Variants in LRMDA observed in about 807,000 individuals in gnomAD.
The protein encoded by LRMDA is leucine-rich melanocyte differentiation-associated protein.
LRMDA carries 18 observed loss-of-function variants against 29.8 expected under a neutral mutation model. The observed-to-expected ratio is 0.60, with a 90% CI of 0.42 to 0.90. LRMDA has a LOEUF of 0.90. Ranked by LOEUF, LRMDA falls within the 40% of genes least tolerant of loss-of-function variation. The probability of loss-of-function intolerance (pLI) is 0.00; values close to 1 mark genes in which losing one functional copy is unlikely to be tolerated. For synonymous variants in LRMDA, 125 were observed against 109.4 expected (o/e 1.14, Z -0.89); for missense variants, 273 against 273.9 (o/e 1.00, Z 0.02).
At chr10:75,629,775 A>G (rs1841300409) in intron 2 of LRMDA, among the ~76,000 whole-genome samples, 1 of 152,224 alleles carries the variant, frequency 6.6e-6, no homozygotes, top group Non-Finnish European at 1.5e-5. Flanking sequence ...ATTCCATCTC[A>G]GAAAACTGTT....
At chr10:76,516,366 T>G (rs982942142) in intron 6 of LRMDA, among the ~76,000 whole-genome samples, 1 of 152,094 alleles carries the variant, frequency 6.6e-6, no homozygotes, top group African/African-American at 2.4e-5. Context: ...TATTATACTT[T>G]AAGTTTTAGG....
At chr10:75,544,185 A>G (rs1171165082) in intron 2 of LRMDA, among the ~76,000 whole-genome samples, 2 of 152,196 alleles carry the variant, frequency 1.3e-5, no homozygotes, top group Non-Finnish European at 2.9e-5. Flanking sequence ...ACGAGAAAAG[A>G]TACAGATTAG....
chr10:76,483,403 C>T (rs569743967), intron 6 of LRMDA, among the ~76,000 whole-genome samples: 1 of 151,888 alleles, frequency 6.6e-6, no homozygotes, highest in Admixed American at 6.6e-5. Flanking sequence ...GGCAGGGCCC[C>T]ATAGGGGATT....
At chr10:76,202,922 A>G (rs1400241886) in intron 5 of LRMDA, among the ~76,000 whole-genome samples, 1 of 152,176 alleles carries the variant, frequency 6.6e-6, no homozygotes, top group Non-Finnish European at 1.5e-5. Context: ...GCTTAGCAAC[A>G]CTAAATGGCA....
intron 2 of LRMDA, among the ~76,000 whole-genome samples, chr10:75,481,360 G>A (rs1844854366): frequency 6.6e-6 from 1 of 152,130 alleles, no homozygotes; most frequent in Admixed American, 6.5e-5. Context: ...TAAAGAGGAG[G>A]AAGTGTTCAT....
At chr10:76,550,337 A>G (rs1189342469) in intron 6 of LRMDA, among the ~76,000 whole-genome samples, 1 of 152,214 alleles carries the variant, frequency 6.6e-6, no homozygotes, top group African/African-American at 2.4e-5. Flanking sequence ...ATGTCTACCA[A>G]TGCAAGACAT....
rs536047174 is a variant in LRMDA at position 75,556,079 on chromosome 10, T to C, written c.131+117585T>C. Among the ~76,000 whole-genome samples the C allele has an allele frequency of 3.3e-5, 5 of 152,206 alleles. No individual in the cohort carries two copies. The East Asian group carries it at 9.7e-4, about 29-fold the overall frequency. On this transcript the variant is annotated intron_variant, in intron 2 of 6. Transcript: ENST00000611255. ...TCAGAAGCTCTAATACATGTTGTCATAGGATGGGGTGGGGGTGAATGAAAA... is the reference window on the plus strand; with the variant it reads ...TCAGAAGCTCTAATACATGTTGTCACAGGATGGGGTGGGGGTGAATGAAAA...
At chr10:75,668,442 ATG>A (rs1841850850) in intron 2 of LRMDA, among the ~76,000 whole-genome samples, 1 of 152,098 alleles carries the variant, frequency 6.6e-6, no homozygotes, top group South Asian at 2.1e-4. Flanking sequence ...ACAAGTGCCC[ATG>A]TCTGCCATTT....
intron 6 of LRMDA, among the ~76,000 whole-genome samples, chr10:76,361,147 G>A (rs1407449739): frequency 6.6e-6 from 1 of 152,080 alleles, no homozygotes; most frequent in East Asian, 1.9e-4. Context: ...TGTAGTCCCA[G>A]CTACTCAGGA....
chr10:76,116,478 C>T (rs1042007828), intron 5 of LRMDA, among the ~76,000 whole-genome samples: 4 of 152,108 alleles, frequency 2.6e-5, no homozygotes, highest in African/African-American at 7.2e-5. Context: ...TTCCTATTTC[C>T]GGTTTCATAT....
At chr10:76,251,223 C>A (rs1310449734) in intron 5 of LRMDA, among the ~76,000 whole-genome samples, 1 of 119,096 alleles carries the variant, frequency 8.4e-6, no homozygotes, top group Non-Finnish European at 1.7e-5. Flanking sequence ...TCTCCCGTCG[C>A]TTCTTTTTTT....
At chr10:75,862,563 G>A (rs912951265) in intron 2 of LRMDA, among the ~76,000 whole-genome samples, 12 of 152,166 alleles carry the variant, frequency 7.9e-5, no homozygotes, top group African/African-American at 2.4e-4. Context: ...GTCATTAGGC[G>A]ATATGTTGGT....
chr10:75,461,014 T>C (rs1370906955), intron 2 of LRMDA, among the ~76,000 whole-genome samples: 1 of 152,182 alleles, frequency 6.6e-6, no homozygotes, highest in Admixed American at 6.5e-5. Flanking sequence ...CATGAAGCCC[T>C]CGTAAGGGAA....
chr10:75,506,255 A>G (rs1439542682), intron 2 of LRMDA, among the ~76,000 whole-genome samples: 2 of 152,126 alleles, frequency 1.3e-5, no homozygotes, highest in African/African-American at 2.4e-5. Flanking sequence ...GTGATGGGGA[A>G]TAGGAGGGCA....
At chr10:76,435,334 A>C (rs1032587849) in intron 6 of LRMDA, among the ~76,000 whole-genome samples, 2 of 152,038 alleles carry the variant, frequency 1.3e-5, no homozygotes, top group African/African-American at 2.4e-5. Context: ...CAATGTTCTC[A>C]CCCCAAGTTT....
intron 5 of LRMDA, among the ~76,000 whole-genome samples, chr10:76,295,746 G>A (rs1212401292): frequency 6.6e-6 from 1 of 151,996 alleles, no homozygotes; most frequent in East Asian, 1.9e-4. Context: ...ACCTCCTCTA[G>A]CCCTCTTCAG....
At chr10:75,504,665 G>A (rs1396765081) in intron 2 of LRMDA, among the ~76,000 whole-genome samples, 1 of 152,100 alleles carries the variant, frequency 6.6e-6, no homozygotes, top group Non-Finnish European at 1.5e-5. Flanking sequence ...GGAGGAAAAA[G>A]CATTCTAGGC....
chr10:75,456,517 GA>G (rs923011291), intron 2 of LRMDA, among the ~76,000 whole-genome samples: 5 of 152,216 alleles, frequency 3.3e-5, no homozygotes, highest in African/African-American at 1.2e-4. Context: ...GGCCTTTGCA[GA>G]AACTCTGTCT....
chr10:75,760,319 A>T (rs1843079987), intron 2 of LRMDA, among the ~76,000 whole-genome samples: 1 of 152,188 alleles, frequency 6.6e-6, no homozygotes, highest in Non-Finnish European at 1.5e-5. Context: ...AGCCCAGATG[A>T]CAGGCTGGAG....
Sources: allele counts gnomAD v4.1 joint callset (sites outside exome capture counted in the v4.1 genomes callset), GRCh38; gene constraint gnomAD v4.1.1; transcripts MANE v1.5; gene names NCBI Gene and HGNC (gene_info 2026-07-23, HGNC 2026-07-21).